PUDP: variants seen among roughly 807,000 people sequenced by gnomAD.
The protein encoded by PUDP is pseudouridine-5'-phosphatase.
PUDP carries 8 observed loss-of-function variants against 9.4 expected under a neutral mutation model. The observed-to-expected ratio is 0.85, with a 90% confidence interval of 0.50 to 1.53. The LOEUF (loss-of-function observed/expected upper bound fraction) is 1.53, where lower values mean the gene tolerates loss of function less well. PUDP is among the 40% of genes most tolerant of loss of function. PUDP has a pLI of 0.00. For synonymous variants in PUDP, 99 were observed against 80.7 expected, an observed-to-expected ratio of 1.23 and a Z score of -1.22; for missense variants, 188 against 189.7, an observed-to-expected ratio of 0.99 and a Z score of 0.05.
chrX:7,018,767 G>A (rs1310290081), intron 1 of PUDP, among the ~76,000 whole-genome samples: 2 of 111,687 alleles, frequency 1.8e-5, no homozygotes, highest in Non-Finnish European at 3.8e-5. Flanking sequence ...AACCAGAGTG[G>A]CTCCATCTTG....
At chrX:7,006,375 A>G (rs1381515038) in intron 1 of PUDP, among the ~76,000 whole-genome samples, 1 of 112,216 alleles carries the variant, frequency 8.9e-6, no homozygotes, top group African/African-American at 3.2e-5. Flanking sequence ...GTTTGATAGT[A>G]GCCATTTAAA....
Position 6,728,153 on chromosome X carries a change from T to C in PUDP, c.*248-21687A>G, listed in dbSNP as rs5989559. Among the ~76,000 whole-genome samples, 463 of 108,143 alleles carry C rather than the reference T, an allele frequency of 4.3e-3. 2 individuals carry two copies. The highest frequency in any genetic ancestry group is 0.015 in the African/African-American group (444 of 29,518). 93.9% of individuals were successfully genotyped at this position (108,143 alleles called of 115,157 possible). On this transcript the variant is annotated intron_variant and NMD_transcript_variant, in intron 3 of 3. Transcript: ENST00000655425. Reference sequence around the variant, plus strand: ...GAGAATGAGAACCAAGGAAAAGGGGTTTCCCCTTATAAAACCATCAGCTCT... The same window carrying C: ...GAGAATGAGAACCAAGGAAAAGGGGCTTCCCCTTATAAAACCATCAGCTCT...
At chrX:6,834,335 A>G (rs930153721) in intron 3 of PUDP, among the ~76,000 whole-genome samples, 4 of 111,825 alleles carry the variant, frequency 3.6e-5, no homozygotes, top group Non-Finnish European at 7.5e-5. Flanking sequence ...CATTCAGATC[A>G]TTTTAATGTG....
intron 3 of PUDP, among the ~76,000 whole-genome samples, chrX:6,733,965 A>G (rs1944005522): frequency 9.2e-6 from 1 of 108,647 alleles, no homozygotes; most frequent in South Asian, 4.1e-4. Context: ...TTTACTAGAG[A>G]CAGGGTTTCA....
intron 1 of PUDP, among the ~76,000 whole-genome samples, chrX:6,998,297 C>A (rs968925157): frequency 1.8e-5 from 2 of 111,062 alleles, no homozygotes; most frequent in Non-Finnish European, 3.8e-5. Context: ...CAAAAGAAAC[C>A]AGGAATGGAA....
intron 3 of PUDP, among the ~76,000 whole-genome samples, chrX:6,760,998 G>A (rs886347290): frequency 9.6e-6 from 1 of 103,639 alleles, no homozygotes; most frequent in African/African-American, 3.5e-5. Flanking sequence ...CCACTGATTA[G>A]CTGTATGATC....
At chrX:7,125,753 G>A (rs1250121090) in intron 1 of PUDP, among the ~76,000 whole-genome samples, 1 of 111,672 alleles carries the variant, frequency 9.0e-6, no homozygotes, top group Non-Finnish European at 1.9e-5. Context: ...CTCACTTGGC[G>A]GCAGACGTGA....
chrX:7,102,483 C>G (rs1931768419), intron 2 of PUDP, among the ~76,000 whole-genome samples: 1 of 110,187 alleles, frequency 9.1e-6, no homozygotes, highest in Non-Finnish European at 1.9e-5. Context: ...TAATATCATT[C>G]TCAATGAAGA....
chrX:6,988,830 A>G (rs1929138194), intron 1 of PUDP, among the ~76,000 whole-genome samples: 1 of 111,183 alleles, frequency 9.0e-6, no homozygotes, highest in South Asian at 3.9e-4. Flanking sequence ...GGCCTGGGCA[A>G]AACTCTTGGT....
intron 1 of PUDP, among the ~76,000 whole-genome samples, chrX:7,124,274 T>A (rs1199071972): frequency 2.7e-5 from 3 of 111,590 alleles, no homozygotes; most frequent in Non-Finnish European, 5.6e-5. Context: ...AACAACATAC[T>A]CCTAAAAATT....
intron 2 of PUDP, among the ~76,000 whole-genome samples, chrX:7,088,382 C>G (rs1275560636): frequency 9.0e-6 from 1 of 111,308 alleles, no homozygotes; most frequent in Non-Finnish European, 1.9e-5. Flanking sequence ...AATGGTCTCT[C>G]TCATTCCTCT....
chrX:7,082,585 T>C (rs1460183650), intron 2 of PUDP, among the ~76,000 whole-genome samples: 1 of 111,543 alleles, frequency 9.0e-6, no homozygotes, highest in Non-Finnish European at 1.9e-5. Context: ...CTCTATGAAG[T>C]GAGACATGGA....
At chrX:6,775,812 C>T (rs1602614462) in intron 3 of PUDP, among the ~76,000 whole-genome samples, 1 of 111,257 alleles carries the variant, frequency 9.0e-6, no homozygotes, top group African/African-American at 3.3e-5. Context: ...CACCACACAG[C>T]GAGAAGGCCC....
chrX:6,950,337 C>CAAA (rs779591166), intron 3 of PUDP, among the ~76,000 whole-genome samples: 25 of 40,973 alleles, frequency 6.1e-4, no homozygotes, highest in African/African-American at 2.5e-3. Flanking sequence ...AGCTCTGTCT[C>CAAA]AAAAAAAAAA....
chrX:6,772,433 T>A (rs992943250), intron 3 of PUDP, among the ~76,000 whole-genome samples: 16 of 110,707 alleles, frequency 1.4e-4, no homozygotes, highest in African/African-American at 5.3e-4. Context: ...ATTAACAGAT[T>A]GAGACACAGA....
chrX:7,107,810 A>C, intron 1 of PUDP, among the ~76,000 whole-genome samples: 1 of 112,708 alleles, frequency 8.9e-6, no homozygotes, highest in Non-Finnish European at 1.9e-5. Context: ...CCTGGGCAAC[A>C]AGAGCGAAAT....
intron 3 of PUDP, among the ~76,000 whole-genome samples, chrX:6,821,761 T>C (rs773347774): frequency 1.1e-4 from 12 of 112,290 alleles, no homozygotes; most frequent in African/African-American, 3.9e-4. Flanking sequence ...CATGGGTGAA[T>C]GCCGGCAGCC....
chrX:6,822,637 G>T (rs1208915831), intron 3 of PUDP, among the ~76,000 whole-genome samples: 1 of 110,368 alleles, frequency 9.1e-6, no homozygotes, highest in Admixed American at 9.6e-5. Flanking sequence ...ATATTGGCTA[G>T]GATGGTCTCC....
chrX:6,844,064 C>T (rs1026179255), intron 3 of PUDP, among the ~76,000 whole-genome samples: 2 of 112,315 alleles, frequency 1.8e-5, no homozygotes, highest in Non-Finnish European at 3.8e-5. Context: ...CTAGAGGCTG[C>T]CTGCTTTCCT....
Sources: gnomAD v4.1 joint callset for allele counts (sites outside exome capture counted in the v4.1 genomes callset) on GRCh38, gnomAD v4.1.1 for gene constraint, MANE v1.5 for transcripts, NCBI Gene and HGNC (gene_info 2026-07-23, HGNC 2026-07-21) for gene names.